Variants in TEK observed in about 807,000 individuals in gnomAD.
TEK encodes the protein TEK receptor tyrosine kinase.
In TEK, 43 loss-of-function variants were observed where a neutral mutation model predicts 131.8. The ratio of observed to expected loss-of-function variants is 0.33; its 90% CI spans 0.26 to 0.42. TEK has a LOEUF of 0.42. Ranked by LOEUF, TEK falls within the 10% of genes least tolerant of loss-of-function variation. The pLI is 1.00. For missense variants in TEK, 1,162 were observed against 1,384.4 expected, an observed-to-expected ratio of 0.84 and a Z score of 2.55; for synonymous variants, 580 against 491.6, an observed-to-expected ratio of 1.18 and a Z score of -2.38.
rs771023655 is a variant in TEK at position 27,205,078 on chromosome 9, C to A, written c.2364+13C>A. 223 of 1,613,718 alleles carry A rather than the reference C, an allele frequency of 1.4e-4. No homozygotes were observed. Among genetic ancestry groups the A allele is most frequent in the Non-Finnish European group, 1.9e-4 (219 of 1,179,816 alleles). The stretch of plus-strand genomic sequence containing the variant: ...CTTCCAAAACGTGGTAGTGTCTCAT[C>A]TTCCTACTAGCTAATAAGGGCAAGT... On this transcript the variant is annotated intron_variant, in intron 14 of 22. Coordinates refer to ENST00000380036, the MANE Select transcript of TEK (RefSeq NM_000459.5).
chr9:27,139,152 G>A (rs895752553), intron 1 of TEK, among the ~76,000 whole-genome samples: 1 of 144,134 alleles, frequency 6.9e-6, no homozygotes, highest in Non-Finnish European at 1.5e-5. Flanking sequence ...GGCGGAGCTT[G>A]CAGTGAGCCG....
intron 1 of TEK, among the ~76,000 whole-genome samples, chr9:27,143,191 G>C (rs969622548): frequency 6.6e-6 from 1 of 152,210 alleles, no homozygotes; most frequent in Non-Finnish European, 1.5e-5. Context: ...AAAAGCACCA[G>C]GGGAGGGAGC....
At chr9:27,182,754 C>G (rs1266670824) in intron 7 of TEK, among the ~76,000 whole-genome samples, 1 of 152,192 alleles carries the variant, frequency 6.6e-6, no homozygotes, top group African/African-American at 2.4e-5. Flanking sequence ...TCATTCTCTA[C>G]TGTGTAGATG....
chr9:27,181,440 T>G (rs1824369738), intron 7 of TEK, among the ~76,000 whole-genome samples: 1 of 152,208 alleles, frequency 6.6e-6, no homozygotes, highest in Non-Finnish European at 1.5e-5. Context: ...AACCATATCT[T>G]CTGTCTCTGT....
In TEK at chr9:27,190,994, C is replaced by T. The variant is rs3780317; in HGVS notation, c.1489+304C>T. ...TTTTAGTTATTCTATCTTGGCTGGT[C>T]ATGGGGAAAGGCACTTGTTTATGCC... On this transcript the variant is annotated intron_variant, in intron 10 of 22. Transcript: ENST00000380036. Among the ~76,000 whole-genome samples, 18,404 of 152,124 alleles carry T rather than the reference C, an allele frequency of 0.12. 1,322 individuals carry two copies. The highest frequency in any genetic ancestry group is 0.21 in the East Asian group (1,068 of 5,168).
intron 11 of TEK, 107 bp from the exon 12 acceptor site, chr9:27,197,208 C>A: frequency 7.9e-7 from 1 of 1,261,746 alleles, no homozygotes; most frequent in Non-Finnish European, 1.1e-6. Context: ...CACCAGGCCC[C>A]ACCTCCAACA....
At chr9:27,208,858 T>G (rs1825497756) in intron 15 of TEK, among the ~76,000 whole-genome samples, 1 of 152,238 alleles carries the variant, frequency 6.6e-6, no homozygotes, top group African/African-American at 2.4e-5. Flanking sequence ...GATACATTTT[T>G]GATTGGCTAT....
chr9:27,127,733 T>C (rs1822044644), intron 1 of TEK, among the ~76,000 whole-genome samples: 1 of 152,256 alleles, frequency 6.6e-6, no homozygotes, highest in Non-Finnish European at 1.5e-5. Flanking sequence ...TGACCAGTGA[T>C]GATGAGCATT....
At chr9:27,155,338 A>G (rs1246958755) in intron 1 of TEK, among the ~76,000 whole-genome samples, 1 of 152,240 alleles carries the variant, frequency 6.6e-6, no homozygotes, top group East Asian at 1.9e-4. Flanking sequence ...CTTAAAAGTT[A>G]CCAATGAGGC....
chr9:27,188,010 A>T (rs1445071488), intron 9 of TEK, among the ~76,000 whole-genome samples: 1 of 152,210 alleles, frequency 6.6e-6, no homozygotes, highest in African/African-American at 2.4e-5. Context: ...TTTAGCCCAT[A>T]AAATCATGCA....
At chr9:27,126,289 A>C (rs529663975) in intron 1 of TEK, among the ~76,000 whole-genome samples, 225 of 152,328 alleles carry the variant, frequency 1.5e-3, no homozygotes, top group Middle Eastern at 3.4e-3. Context: ...ATGTTTAAGA[A>C]GTAGATGGCA....
At chr9:27,182,376 C>T (rs888242365) in intron 7 of TEK, among the ~76,000 whole-genome samples, 2 of 152,122 alleles carry the variant, frequency 1.3e-5, no homozygotes, top group East Asian at 3.9e-4. Context: ...TTTTTCAATT[C>T]CTATTCAAAT....
intron 13 of TEK, among the ~76,000 whole-genome samples, chr9:27,203,611 A>G (rs1825298857): frequency 6.6e-6 from 1 of 152,194 alleles, no homozygotes; most frequent in Non-Finnish European, 1.5e-5. Context: ...TGAGCTAGAT[A>G]GAGATCCTCT....
At chr9:27,153,795 C>T (rs1823220555) in intron 1 of TEK, among the ~76,000 whole-genome samples, 1 of 152,194 alleles carries the variant, frequency 6.6e-6, no homozygotes, top group Non-Finnish European at 1.5e-5. Context: ...TTGAGTGGCA[C>T]CAGATATGCA....
chr9:27,220,056 A>C lies in TEK; in HGVS notation c.3111A>C (p.Thr1037=). The C allele has an allele frequency of 6.2e-7, 1 of 1,614,046 alleles. No homozygotes were observed. The highest frequency in any genetic ancestry group is 2.2e-5 in the East Asian group (1 of 44,884). The stretch of plus-strand genomic sequence containing the variant: ...GCACTGTTTGTCTTCCAGGAGGCAC[A>C]CCCTACTGCGGGATGACTTGTGCAG... ...LLWEIVSLGG[T]PYCGMTCAEL... is the part of the protein sequence containing the mutation. The change falls in exon 21 of 23, where the codon ACA becomes ACC. Residue 1037 remains threonine, a synonymous_variant. Transcript: ENST00000380036.
In TEK at chr9:27,140,396, GAAAAAAA is replaced by G. The variant is rs59569720; in HGVS notation, c.53-17423_53-17417del. Among the ~76,000 whole-genome samples, 19 of 113,406 alleles carry G rather than the reference GAAAAAAA, an allele frequency of 1.7e-4. No homozygotes were observed. In the East Asian group the frequency reaches 5.9e-3, roughly 35 times the overall value. The allele number at this position is 113,406 out of a possible 152,430, so 74.4% of individuals were successfully genotyped here. A position where few individuals can be genotyped will look rare whatever the true frequency, so the allele number is the denominator to read the frequency against. On this transcript the variant is annotated intron_variant, in intron 1 of 22. Coordinates refer to ENST00000380036, the MANE Select transcript of TEK (RefSeq NM_000459.5). ...TTGTGAAACTTACATTAGCAAAAAA[GAAAAAAA>G]AAAAAAAAAAAGAAACATTAATCTC...
chr9:27,115,164 T>C (rs575409488), intron 1 of TEK, among the ~76,000 whole-genome samples: 1 of 152,300 alleles, frequency 6.6e-6, no homozygotes, highest in East Asian at 1.9e-4. Context: ...GTAAAAGTTT[T>C]TATTGGGTCC....
In TEK at chr9:27,202,950, T is replaced by G. The variant is rs1251094590; in HGVS notation, c.2040T>G (p.Asn680Lys). The change falls in exon 13 of 23, where the codon AAT becomes AAG. Residue 680 changes from asparagine to lysine, a missense_variant. Around this residue, in one of 6 missense-constraint regions of TEK, gnomAD observed 477 missense variants for 471.0 expected, o/e 1.01. Transcript: ENST00000380036. ...TCCGTTACAAGGTTCAAGGCAAGAATGAAGACCAGCACGTTGATGTGAAGA... is the reference window on the plus strand; with the variant it reads ...TCCGTTACAAGGTTCAAGGCAAGAAGGAAGACCAGCACGTTGATGTGAAGA... ...ITIRYKVQGK[N>K]EDQHVDVKIK... is the part of the protein sequence containing the mutation. 5.6e-6 allele frequency: 9 copies of G among 1,614,158 alleles called. No individual in the cohort carries two copies. In the South Asian group the frequency reaches 9.9e-5, roughly 18 times the overall value.
At position 27,173,237 on chromosome 9, in the gene TEK, C is replaced by T. The variant is rs138708761; in HGVS notation, c.776C>T (p.Thr259Met). The T allele has an allele frequency of 4.7e-5, 76 of 1,613,998 alleles. No homozygotes were observed. Among genetic ancestry groups the T allele is most frequent in the African/African-American group, 2.0e-4 (15 of 75,026 alleles). Residue 259 changes from threonine (T) to methionine (M), a missense_variant, in exon 6 of 23, where the codon ACG (threonine) becomes ATG (methionine). Physicochemically the swap from Thr to Met is moderately conservative, Grantham distance 81. This residue lies in a region of TEK where 436 missense variants were observed against 539.1 expected (regional missense o/e 0.81). Transcript: ENST00000380036. ...CCTCCCAAAGCTTGTGAACTGCACA[C>T]GTTTGGCAGAACTTGTAAAGAAAGG... ...RTCEKACELHTFGRTCKERCS... is the reference protein window; with the variant it reads ...RTCEKACELHMFGRTCKERCS...
Sources: allele counts gnomAD v4.1 joint callset (sites outside exome capture counted in the v4.1 genomes callset), GRCh38; gene constraint gnomAD v4.1.1; regional missense constraint gnomAD v4.1.1; transcripts MANE v1.5; gene names NCBI Gene and HGNC (gene_info 2026-07-23, HGNC 2026-07-21).